The following ESRP1 variants were observed in gnomAD, a reference collection of about 807,000 sequenced individuals.
The protein encoded by ESRP1 is RNA-binding motif protein 35A.
Under a neutral mutation model 81.7 loss-of-function variants are expected in ESRP1, and 33 were observed. The ratio of observed to expected loss-of-function variants is 0.40; its 90% CI spans 0.31 to 0.54. ESRP1 has a LOEUF of 0.54. ESRP1 is among the 20% of genes least tolerant of loss of function. The probability of loss-of-function intolerance (pLI) is 0.41; values close to 1 mark genes in which losing one functional copy is unlikely to be tolerated. For synonymous variants in ESRP1, 320 were observed against 303.3 expected, an observed-to-expected ratio of 1.06 and a Z score of -0.57; for missense variants, 672 against 833.1, an observed-to-expected ratio of 0.81 and a Z score of 2.38.
At chr8:94,697,910 A>G (rs982667612) in intron 15 of ESRP1, among the ~76,000 whole-genome samples, 3 of 152,012 alleles carry the variant, frequency 2.0e-5, no homozygotes, top group Non-Finnish European at 4.4e-5. Context: ...CCTCCCGAGT[A>G]GCTGGGATTA....
intron 13 of ESRP1, 103 bp downstream of exon 13, chr8:94,678,474 T>C: frequency 1.5e-6 from 2 of 1,364,060 alleles, no homozygotes; most frequent in Admixed American, 2.4e-5. Context: ...TGTTGAAGGT[T>C]AGCGTGGCAG....
intron 4 of ESRP1, among the ~76,000 whole-genome samples, chr8:94,659,614 G>T (rs543776753): frequency 6.6e-6 from 1 of 152,180 alleles, no homozygotes; most frequent in East Asian, 1.9e-4. Context: ...AGTCAGGAAG[G>T]CATGTCAAAA....
At position 94,646,174 on chromosome 8, in the gene ESRP1, C is replaced by T. The variant is rs909115215; in HGVS notation, c.382C>T (p.Leu128=). 1.3e-6 allele frequency: 2 copies of T among 1,596,710 alleles called. No individual in the cohort carries two copies. Among genetic ancestry groups the T allele is most frequent in the Admixed American group, 1.7e-5 (1 of 59,566 alleles). The change falls in exon 4 of 16, where the codon CTA becomes TTA. Residue 128 remains leucine (L), a synonymous_variant. Transcript: ENST00000433389. ...LHPEASKKNV[L]LPECFYSFFD... is the part of the protein sequence containing the mutation. Reference sequence around the variant, plus strand: ...CTACCTTGTCCTTCCTCAGAATGTACTATTACCTGAATGCTTCTATTCCTT... The same window carrying T: ...CTACCTTGTCCTTCCTCAGAATGTATTATTACCTGAATGCTTCTATTCCTT...
chr8:94,654,820 A>G (rs1475981204), intron 4 of ESRP1, among the ~76,000 whole-genome samples: 1 of 151,876 alleles, frequency 6.6e-6, no homozygotes, highest in East Asian at 1.9e-4. Flanking sequence ...GGTCCATGCT[A>G]CTTGGGAGGC....
intron 10 of ESRP1, among the ~76,000 whole-genome samples, chr8:94,668,990 G>A (rs908547657): frequency 2.0e-5 from 3 of 151,982 alleles, no homozygotes; most frequent in South Asian, 2.1e-4. Flanking sequence ...ATGGGGTTTC[G>A]CGGCAGGCTG....
chr8:94,705,364 C>T (rs1810029971), intron 15 of ESRP1, among the ~76,000 whole-genome samples: 1 of 151,924 alleles, frequency 6.6e-6, no homozygotes, highest in African/African-American at 2.4e-5. Context: ...GATGGGGTTT[C>T]ACCATGTTGG....
In ESRP1 at chr8:94,678,248, T is replaced by C; in HGVS notation, c.1697T>C (p.Ile566Thr). ...ACATTTCCAGCTCCTGCTGCAGTTA[T>C]TCCTACAGAAGCTGCCATTTACCAG... ...SYTFPAPAAV[I>T]PTEAAIYQPS... The change falls in exon 13 of 16, where the codon ATT (isoleucine) becomes ACT (threonine). Residue 566 changes from isoleucine to threonine, a missense_variant. Physicochemically the swap from Ile to Thr is moderately conservative, Grantham distance 89. Coordinates refer to ENST00000433389, the MANE Select transcript of ESRP1 (RefSeq NM_017697.4). The C allele has an allele frequency of 6.2e-7, 1 of 1,614,040 alleles. No individual in the cohort carries two copies. The highest frequency in any genetic ancestry group is 8.5e-7 in the Non-Finnish European group (1 of 1,179,892).
chr8:94,667,068 G>GTTGTGTGTGTGTGT (rs140453014), intron 9 of ESRP1, among the ~76,000 whole-genome samples: 2 of 144,244 alleles, frequency 1.4e-5, no homozygotes, highest in Non-Finnish European at 3.0e-5. Context: ...CCAGGAGAGG[G>GTTGTGTGTGTGTGT]GTGTGTGTGT....
chr8:94,698,831 C>T (rs1809703495), intron 15 of ESRP1, among the ~76,000 whole-genome samples: 1 of 152,162 alleles, frequency 6.6e-6, no homozygotes, highest in Non-Finnish European at 1.5e-5. Flanking sequence ...TGCATCTTAG[C>T]CCTTTGCTCT....
chr8:94,654,056 C>T (rs1041110347), intron 4 of ESRP1, among the ~76,000 whole-genome samples: 3 of 152,150 alleles, frequency 2.0e-5, no homozygotes, highest in Non-Finnish European at 4.4e-5. Flanking sequence ...CAGTGGCTCA[C>T]GCCTGTAATC....
At chr8:94,695,834 AGGT>A (rs1465113095) in intron 14 of ESRP1, among the ~76,000 whole-genome samples, 1 of 151,700 alleles carries the variant, frequency 6.6e-6, no homozygotes, top group Admixed American at 6.6e-5. Flanking sequence ...AGGCTGAGGC[AGGT>A]GGATCACCTG....
chr8:94,661,656 C>T (rs1818753105), intron 4 of ESRP1, among the ~76,000 whole-genome samples: 1 of 152,186 alleles, frequency 6.6e-6, no homozygotes, highest in Non-Finnish European at 1.5e-5. Context: ...GGTAAAGAAG[C>T]ACATTGGCCT....
At chr8:94,704,762 T>A (rs1417715590) in intron 15 of ESRP1, among the ~76,000 whole-genome samples, 1 of 77,032 alleles carries the variant, frequency 1.3e-5, no homozygotes, top group Non-Finnish European at 2.5e-5. Flanking sequence ...CACCATCTCT[T>A]TTTGAAAAAA....
chr8:94,671,947 AAAT>A (rs1819352944), intron 11 of ESRP1, among the ~76,000 whole-genome samples: 1 of 152,222 alleles, frequency 6.6e-6, no homozygotes, highest in Non-Finnish European at 1.5e-5. Context: ...AATGAACTGA[AAAT>A]AATGCTGTCG....
At chr8:94,696,739 T>C (rs893928420) in intron 14 of ESRP1, 113 bp from the exon 15 acceptor site, 1 of 751,644 alleles carries the variant, frequency 1.3e-6, no homozygotes, top group Non-Finnish European at 2.1e-6. Flanking sequence ...TGTGTTTGTT[T>C]CCTCCTATCT....
chr8:94,646,522 A>G, intron 4 of ESRP1: 1 of 341,974 alleles, frequency 2.9e-6, no homozygotes, highest in South Asian at 4.3e-5. Flanking sequence ...TCACATGTAG[A>G]ATAGGATTCA....
intron 14 of ESRP1, among the ~76,000 whole-genome samples, chr8:94,696,601 A>G (rs1809614411): frequency 6.6e-6 from 1 of 152,172 alleles, no homozygotes; most frequent in East Asian, 1.9e-4. Flanking sequence ...TTCTTGTGGT[A>G]TGGTGTTTTG....
At chr8:94,682,470 G>A (rs575606818) in intron 13 of ESRP1, among the ~76,000 whole-genome samples, 3 of 152,010 alleles carry the variant, frequency 2.0e-5, no homozygotes, top group African/African-American at 7.3e-5. Context: ...AGGCTCAAGC[G>A]ATCCTCACGC....
intron 2 of ESRP1, among the ~76,000 whole-genome samples, chr8:94,642,380 G>A (rs1185449221): frequency 6.6e-6 from 1 of 152,242 alleles, no homozygotes; most frequent in Admixed American, 6.5e-5. Flanking sequence ...ATTGACGTGC[G>A]GAGTTTGAAT....
Sources: allele counts gnomAD v4.1 joint callset (sites outside exome capture counted in the v4.1 genomes callset), GRCh38; gene constraint gnomAD v4.1.1; transcripts MANE v1.5; gene names NCBI Gene and HGNC (gene_info 2026-07-23, HGNC 2026-07-21).